The following PTPRD variants were observed in gnomAD, a reference collection of about 807,000 sequenced individuals.
The protein encoded by PTPRD is receptor-type tyrosine-protein phosphatase delta.
PTPRD carries 34 observed loss-of-function variants against 214.5 expected under a neutral mutation model. The observed-to-expected ratio is 0.16, with a 90% CI of 0.12 to 0.21. The LOEUF is 0.21. PTPRD is among the 10% of genes least tolerant of loss of function. The pLI, the probability that PTPRD is intolerant of heterozygous loss-of-function variation, is 1.00. For synonymous variants in PTPRD, 1,128 were observed against 845.7 expected (o/e 1.33, Z -5.79); for missense variants, 2,545 against 2,398.7 (o/e 1.06, Z -1.27).
intron 14 of PTPRD, among the ~76,000 whole-genome samples, chr9:8,632,087 T>C (rs758881436): frequency 2.0e-5 from 3 of 151,516 alleles, no homozygotes; most frequent in Non-Finnish European, 4.4e-5. Flanking sequence ...TATATGTAAA[T>C]AATCTCATTT....
chr9:10,410,231 T>A (rs7034741), intron 2 of PTPRD, among the ~76,000 whole-genome samples: 80,710 of 139,750 alleles, frequency 0.58, 25,090 homozygotes, highest in Non-Finnish European at 0.72. Context: ...AATAACCAGG[T>A]AATTAACTGG....
intron 9 of PTPRD, among the ~76,000 whole-genome samples, chr9:9,335,602 AAC>A (rs1434797934): frequency 6.6e-6 from 1 of 152,082 alleles, no homozygotes; most frequent in Non-Finnish European, 1.5e-5. Flanking sequence ...TTATGAATTT[AAC>A]AGTGTTAAAA....
intron 14 of PTPRD, among the ~76,000 whole-genome samples, chr9:8,536,542 C>T: frequency 6.6e-6 from 1 of 151,860 alleles, no homozygotes; most frequent in Non-Finnish European, 1.5e-5. Flanking sequence ...TGTCTGTTAG[C>T]CAGTACAAGG....
intron 10 of PTPRD, among the ~76,000 whole-genome samples, chr9:9,068,343 C>T (rs1393302674): frequency 6.6e-6 from 1 of 152,106 alleles, no homozygotes; most frequent in Non-Finnish European, 1.5e-5. Flanking sequence ...ATAGGTTTCC[C>T]CCTCCCAGGA....
chr9:9,887,032 C>T (rs76552785), intron 5 of PTPRD, among the ~76,000 whole-genome samples: 2,453 of 152,084 alleles, frequency 0.016, 65 homozygotes, highest in African/African-American at 0.056. Context: ...TGTTTTTTTC[C>T]GCCACTAAGT....
chr9:9,329,950 C>A (rs2041684766), intron 9 of PTPRD, among the ~76,000 whole-genome samples: 1 of 152,166 alleles, frequency 6.6e-6, no homozygotes, highest in Non-Finnish European at 1.5e-5. Flanking sequence ...TAATCCCTGT[C>A]ATGGGTAAGA....
At chr9:9,075,510 C>A (rs2099749738) in intron 10 of PTPRD, among the ~76,000 whole-genome samples, 2 of 152,080 alleles carry the variant, frequency 1.3e-5, no homozygotes, top group Non-Finnish European at 1.5e-5. Context: ...GTGCTGCAAC[C>A]ATTAACTCGT....
chr9:8,705,096 G>A (rs1285356976), intron 12 of PTPRD, among the ~76,000 whole-genome samples: 3 of 151,886 alleles, frequency 2.0e-5, no homozygotes, highest in Non-Finnish European at 4.4e-5. Context: ...TTTTCAATAA[G>A]TTTAAAAAAA....
chr9:10,076,608 G>C (rs967398558), intron 3 of PTPRD, among the ~76,000 whole-genome samples: 4 of 152,076 alleles, frequency 2.6e-5, no homozygotes, highest in African/African-American at 9.7e-5. Context: ...AGGTCTGTCA[G>C]CTCCTCTCAC....
chr9:9,679,424 A>G (rs1230412848), intron 7 of PTPRD, among the ~76,000 whole-genome samples: 2 of 151,952 alleles, frequency 1.3e-5, no homozygotes, highest in Non-Finnish European at 2.9e-5. Context: ...ACAAACTGTC[A>G]AAAACCTGAA....
chr9:10,246,345 G>C (rs2092098221), intron 3 of PTPRD, among the ~76,000 whole-genome samples: 1 of 152,158 alleles, frequency 6.6e-6, no homozygotes, highest in Non-Finnish European at 1.5e-5. Context: ...TCAGATTCAA[G>C]TAATTCTCCT....
intron 21 of PTPRD, among the ~76,000 whole-genome samples, chr9:8,510,770 T>A (rs574292003): frequency 6.6e-6 from 1 of 152,202 alleles, no homozygotes; most frequent in Non-Finnish European, 1.5e-5. Context: ...CATATTTGAA[T>A]CCACAACCAT....
At chr9:10,449,766 G>C (rs1242714819) in intron 2 of PTPRD, among the ~76,000 whole-genome samples, 2 of 151,876 alleles carry the variant, frequency 1.3e-5, no homozygotes, top group African/African-American at 4.9e-5. Flanking sequence ...TTGAGAACGG[G>C]CCATGATGAC....
intron 8 of PTPRD, among the ~76,000 whole-genome samples, chr9:9,447,385 C>T (rs1295017888): frequency 6.6e-6 from 1 of 152,024 alleles, no homozygotes; most frequent in Non-Finnish European, 1.5e-5. Flanking sequence ...GAGCTGGAGG[C>T]CATTATCCTT....
intron 3 of PTPRD, among the ~76,000 whole-genome samples, chr9:10,071,805 T>C (rs2098024172): frequency 6.6e-6 from 1 of 151,982 alleles, no homozygotes; most frequent in Non-Finnish European, 1.5e-5. Flanking sequence ...AAAACAGAGA[T>C]AATCAATGAC....
At chr9:8,974,598 C>A (rs2099257649) in intron 11 of PTPRD, among the ~76,000 whole-genome samples, 2 of 151,956 alleles carry the variant, frequency 1.3e-5, no homozygotes, top group Admixed American at 6.6e-5. Context: ...AGAGGAATGG[C>A]CATTTCCCTT....
At chr9:9,306,066 A>G (rs1030117040) in intron 9 of PTPRD, among the ~76,000 whole-genome samples, 8 of 152,218 alleles carry the variant, frequency 5.3e-5, no homozygotes, top group Admixed American at 2.0e-4. Flanking sequence ...GAGTACAATA[A>G]GAGAACATCA....
intron 10 of PTPRD, among the ~76,000 whole-genome samples, chr9:9,117,300 G>A (rs1208436392): frequency 6.6e-6 from 1 of 150,488 alleles, no homozygotes; most frequent in Non-Finnish European, 1.5e-5. Context: ...AGCACTGTTA[G>A]ATTTGTAAAA....
chr9:9,565,017 T>C (rs2084073169), intron 8 of PTPRD, among the ~76,000 whole-genome samples: 1 of 149,962 alleles, frequency 6.7e-6, no homozygotes, highest in African/African-American at 2.4e-5. Context: ...TTCAAAATTA[T>C]CTCAAGGTCT....
Sources: allele counts gnomAD v4.1 joint callset (sites outside exome capture counted in the v4.1 genomes callset), GRCh38; gene constraint gnomAD v4.1.1; transcripts MANE v1.5; gene names NCBI Gene and HGNC (gene_info 2026-07-23, HGNC 2026-07-21).